The following SEL1L3 variants were observed in gnomAD, a reference collection of about 807,000 sequenced individuals.
SEL1L3 encodes SEL1L family member 3.
Under a neutral mutation model 142.8 loss-of-function variants are expected in SEL1L3, and 76 were observed. The observed-to-expected ratio is 0.53, with a 90% CI of 0.44 to 0.64. The LOEUF (loss-of-function observed/expected upper bound fraction) is 0.64. SEL1L3 is among the 30% of genes least tolerant of loss of function. SEL1L3 has a pLI of 0.00. For missense variants in SEL1L3, 1,262 were observed against 1,381.7 expected (o/e 0.91, Z 1.37); for synonymous variants, 504 against 519.6 (o/e 0.97, Z 0.41).
chr4:25,756,239 C>G (rs942956825), intron 23 of SEL1L3: 1 of 985,368 alleles, frequency 1.0e-6, no homozygotes, highest in Middle Eastern at 5.2e-4. Flanking sequence ...TTGTAGCCGT[C>G]CGAGATGGTA....
chr4:25,788,409 T>C lies in SEL1L3; in HGVS notation c.2077-45A>G. ...TAGAACAATGACTTTTCCTGTATAA[T>C]GCTTAACACAAGATTTTGAAAGGTG... On this transcript the variant is annotated intron_variant, in intron 12 of 23. Transcript: ENST00000399878. The surrounding 1 kb of genome is among the most constrained non-coding windows in gnomAD (Gnocchi z 5.3). The C allele has an allele frequency of 6.3e-7, 1 of 1,595,612 alleles. No homozygotes were observed. Among genetic ancestry groups the C allele is most frequent in the South Asian group, 1.1e-5 (1 of 89,598 alleles).
chr4:25,714,533 TTTCTTTCTTTCTTTCTTTC>T, the SEL1L3 span, among the ~76,000 whole-genome samples: 4 of 109,322 alleles, frequency 3.7e-5, no homozygotes, highest in Non-Finnish European at 6.6e-5. Context: ...TCTTTCTTTC[TTTCTTTCTTTCTTTCTTTC>T]TTCTTTCTTT....
At chr4:25,732,706 T>C in the SEL1L3 span, among the ~76,000 whole-genome samples, 1 of 152,076 alleles carries the variant, frequency 6.6e-6, no homozygotes, top group Non-Finnish European at 1.5e-5. Flanking sequence ...GTCTTTGGTC[T>C]TTTATTATTG....
chr4:25,780,042 C>T (rs1719891865), intron 15 of SEL1L3, among the ~76,000 whole-genome samples: 2 of 152,156 alleles, frequency 1.3e-5, no homozygotes. Context: ...TCCAATTCTT[C>T]CCCTCCTACC....
chr4:25,834,722 G>C (rs925895067), intron 3 of SEL1L3, among the ~76,000 whole-genome samples: 8 of 152,084 alleles, frequency 5.3e-5, no homozygotes, highest in African/African-American at 1.9e-4. Flanking sequence ...AAATCCATCT[G>C]GTATGAGGTG....
At chr4:25,838,168 C>T (rs1715952630) in intron 2 of SEL1L3, among the ~76,000 whole-genome samples, 2 of 152,186 alleles carry the variant, frequency 1.3e-5, no homozygotes, top group Admixed American at 6.5e-5. Flanking sequence ...CACCACACTG[C>T]GTAAGCCAAA....
chr4:25,746,507 AATATATAT>A (rs141668402), downstream of SEL1L3, among the ~76,000 whole-genome samples: 70 of 101,544 alleles, frequency 6.9e-4, 1 homozygote, highest in South Asian at 6.7e-3. Flanking sequence ...ATATTATCTA[AATATATAT>A]ATATATATAT....
rs1479413145 is a variant in SEL1L3 at position 25,788,569 on chromosome 4, CGTGTG to C, written c.2077-210_2077-206del. ...CCCTTAATGCAAGCCAGAAATGGTT[CGTGTG>C]TGTGTGTGTGTGTGTGTGTGTGTGT... On this transcript the variant is annotated intron_variant, in intron 12 of 23. Coordinates refer to ENST00000399878, the MANE Select transcript of SEL1L3 (RefSeq NM_015187.5). This position sits in a 1 kb window ranked among gnomAD's most constrained non-coding sequence, Gnocchi z 5.3. Among the ~76,000 whole-genome samples the C allele has an allele frequency of 7.1e-6, 1 of 139,954 alleles. No individual in the cohort carries two copies. Among genetic ancestry groups the C allele is most frequent in the Non-Finnish European group, 1.6e-5 (1 of 64,318 alleles). 91.8% of individuals were successfully genotyped at this position (139,954 alleles called of 152,430 possible).
chr4:25,802,582 T>C (rs1713258178), intron 10 of SEL1L3, 120 bp from the exon 11 acceptor site: 1 of 854,046 alleles, frequency 1.2e-6, no homozygotes, highest in African/African-American at 1.7e-5. Context: ...AGAAATATGT[T>C]AACTTGCCTT....
the SEL1L3 span, among the ~76,000 whole-genome samples, chr4:25,729,606 C>G: frequency 6.6e-6 from 1 of 152,076 alleles, no homozygotes. Context: ...TCCAGCTACC[C>G]GGGAGGCTGA....
At chr4:25,815,255 T>C (rs991517797) in intron 9 of SEL1L3, among the ~76,000 whole-genome samples, 1 of 151,964 alleles carries the variant, frequency 6.6e-6, no homozygotes, top group Non-Finnish European at 1.5e-5. Flanking sequence ...AAGTGGCAAA[T>C]CCAGCTTTGG....
At chr4:25,772,397 T>C (rs1719288663) in intron 17 of SEL1L3, among the ~76,000 whole-genome samples, 1 of 152,202 alleles carries the variant, frequency 6.6e-6, no homozygotes, top group African/African-American at 2.4e-5. Flanking sequence ...GAGAGTAAAT[T>C]GGTGAAACTA....
chr4:25,775,934 G>A (rs1719584071), intron 17 of SEL1L3, among the ~76,000 whole-genome samples: 1 of 152,142 alleles, frequency 6.6e-6, no homozygotes, highest in African/African-American at 2.4e-5. Context: ...GAAATAAAAA[G>A]CAGAGAGTCT....
downstream of SEL1L3, among the ~76,000 whole-genome samples, chr4:25,746,686 A>C (rs998793285): frequency 1.3e-5 from 2 of 151,732 alleles, no homozygotes; most frequent in East Asian, 3.9e-4. Context: ...GCCACGTAAG[A>C]CATGTCTGCT....
At chr4:25,786,518 G>C (rs1711842502) in intron 13 of SEL1L3, among the ~76,000 whole-genome samples, 1 of 152,288 alleles carries the variant, frequency 6.6e-6, no homozygotes, top group South Asian at 2.1e-4. Flanking sequence ...GTGAGATCTT[G>C]GTAGGCAGAG....
chr4:25,733,390 G>T, the SEL1L3 span, among the ~76,000 whole-genome samples: 1 of 149,474 alleles, frequency 6.7e-6, no homozygotes, highest in Non-Finnish European at 1.5e-5. Context: ...GTAAATAGTT[G>T]TTTTCTTAAT....
At chr4:25,785,728 A>G (rs1411856440) in intron 13 of SEL1L3, among the ~76,000 whole-genome samples, 1 of 152,142 alleles carries the variant, frequency 6.6e-6, no homozygotes, top group Non-Finnish European at 1.5e-5. Flanking sequence ...TGGAGAGGGG[A>G]GGAGACAAGC....
chr4:25,801,933 C>G (rs1236625032), intron 11 of SEL1L3, among the ~76,000 whole-genome samples: 2 of 152,170 alleles, frequency 1.3e-5, no homozygotes, highest in Non-Finnish European at 2.9e-5. Context: ...CCTAACATCT[C>G]CAGACCTCAC....
rs184251998 is a variant in SEL1L3, at chr4:25,800,340, C to G, written c.1956+1943G>C. 2.3e-3 allele frequency among the ~76,000 whole-genome samples: 346 copies of G among 152,320 alleles called. 1 individual carries two copies. Among genetic ancestry groups the G allele is most frequent in the African/African-American group, 8.2e-3 (342 of 41,572 alleles). ...CCATTCTTAAGAAAATGAGCTATGA[C>G]ACAACTCTTCTAACTGTATAATTCC... On this transcript the variant is annotated intron_variant, in intron 11 of 23. Coordinates refer to ENST00000399878, the MANE Select transcript of SEL1L3 (RefSeq NM_015187.5).
Sources: allele counts gnomAD v4.1 joint callset (sites outside exome capture counted in the v4.1 genomes callset), GRCh38; gene constraint gnomAD v4.1.1; non-coding constraint Gnocchi (gnomAD v3.1); transcripts MANE v1.5; gene names NCBI Gene and HGNC (gene_info 2026-07-23, HGNC 2026-07-21).